CNTN6: variants seen among roughly 807,000 people sequenced by gnomAD.
CNTN6 encodes contactin 6, also known as contactin-6.
CNTN6 carries 137 observed loss-of-function variants against 122.8 expected under a neutral mutation model. The observed-to-expected ratio is 1.12, with a 90% confidence interval of 0.97 to 1.29. The LOEUF (loss-of-function observed/expected upper bound fraction) is 1.29. CNTN6 is among the 50% of genes most tolerant of loss of function. The pLI, the probability that CNTN6 is intolerant of heterozygous loss-of-function variation, is 0.00. For synonymous variants in CNTN6, 570 were observed against 426.0 expected (o/e 1.34, Z -4.16); for missense variants, 1,634 against 1,223.4 (o/e 1.34, Z -5.01).
intron 11 of CNTN6, among the ~76,000 whole-genome samples, chr3:1,349,276 T>C (rs895882498): frequency 1.3e-5 from 2 of 151,880 alleles, no homozygotes; most frequent in Non-Finnish European, 2.9e-5. Context: ...TACCTTCTGC[T>C]TTTTTCCCTG....
intron 1 of CNTN6, among the ~76,000 whole-genome samples, chr3:1,116,035 C>A (rs7645580): frequency 0.94 from 142,702 of 152,244 alleles, 66,996 homozygotes; most frequent in East Asian, 1. Context: ...AGGACACCTT[C>A]AGCAAATATG....
chr3:1,402,244 A>G, intron 21 of CNTN6, 74 bp from the exon 22 acceptor site: 4 of 1,160,368 alleles, frequency 3.4e-6, no homozygotes, highest in Non-Finnish European at 3.7e-6. Context: ...TATGTCTTAC[A>G]GTGTTCCAGA....
chr3:1,202,755 C>T (rs1292986300), intron 2 of CNTN6, among the ~76,000 whole-genome samples: 2 of 151,982 alleles, frequency 1.3e-5, no homozygotes, highest in South Asian at 2.1e-4. Flanking sequence ...GGGAATGAAC[C>T]GGTTTTCCTG....
chr3:1,381,044 T>C (rs75254795), intron 17 of CNTN6, among the ~76,000 whole-genome samples: 5,682 of 152,236 alleles, frequency 0.037, 124 homozygotes, highest in South Asian at 0.054. Flanking sequence ...GTCTCTTTTT[T>C]CCCCTCTAAT....
At chr3:1,351,541 A>G (rs1052453023) in intron 11 of CNTN6, among the ~76,000 whole-genome samples, 4 of 127,316 alleles carry the variant, frequency 3.1e-5, no homozygotes, top group Non-Finnish European at 5.0e-5. Flanking sequence ...TTTTCAGGGA[A>G]CAAATCTCAG....
chr3:1,396,833 T>C (rs1000785465), intron 20 of CNTN6, among the ~76,000 whole-genome samples: 5 of 152,210 alleles, frequency 3.3e-5, no homozygotes, highest in Non-Finnish European at 7.3e-5. Flanking sequence ...CAGGTGCTAT[T>C]CCTGTATGTA....
intron 1 of CNTN6, among the ~76,000 whole-genome samples, chr3:1,104,048 T>C (rs1489819328): frequency 6.6e-6 from 1 of 152,134 alleles, no homozygotes; most frequent in Non-Finnish European, 1.5e-5. Flanking sequence ...TACTATGTAA[T>C]AGATGCTATT....
chr3:1,146,625 T>G (rs2092728538), intron 1 of CNTN6, among the ~76,000 whole-genome samples: 1 of 152,118 alleles, frequency 6.6e-6, no homozygotes, highest in East Asian at 1.9e-4. Context: ...TGTTTCTCTG[T>G]TTTTGTTAAA....
At chr3:1,152,676 A>G (rs889904255) in intron 2 of CNTN6, among the ~76,000 whole-genome samples, 1 of 152,186 alleles carries the variant, frequency 6.6e-6, no homozygotes, top group African/African-American at 2.4e-5. Context: ...AATTTGAAAA[A>G]TATTAGACAG....
intron 2 of CNTN6, among the ~76,000 whole-genome samples, chr3:1,192,909 T>C (rs1431469152): frequency 2.6e-5 from 4 of 152,154 alleles, no homozygotes; most frequent in African/African-American, 9.7e-5. Flanking sequence ...CTCCACGTAT[T>C]TGAACAACTC....
In CNTN6 at chr3:1,311,347, GTCTT is replaced by G. The variant is rs373048347; in HGVS notation, c.762-10301_762-10298del. On this transcript the variant is annotated intron_variant, in intron 7 of 22. Transcript: ENST00000446702. ...ATATACATATATGTACATATAAAAT[GTCTT>G]TATATGTACATATATGTACATATAA... 7.0e-4 allele frequency among the ~76,000 whole-genome samples: 91 copies of G among 130,502 alleles called. 2 individuals carry two copies. The South Asian group carries it at 0.011, about 15-fold the overall frequency. 85.6% of individuals were successfully genotyped at this position (130,502 alleles called of 152,430 possible). A position where few individuals can be genotyped will look rare whatever the true frequency, so the allele number is the denominator to read the frequency against.
At chr3:1,311,179 G>T (rs1047059678) in intron 7 of CNTN6, among the ~76,000 whole-genome samples, 1 of 148,648 alleles carries the variant, frequency 6.7e-6, no homozygotes, top group Non-Finnish European at 1.5e-5. Context: ...TATATAAAAT[G>T]TCTTTATATA....
At chr3:1,108,865 C>T (rs2091347812) in intron 1 of CNTN6, among the ~76,000 whole-genome samples, 1 of 151,832 alleles carries the variant, frequency 6.6e-6, no homozygotes, top group East Asian at 1.9e-4. Flanking sequence ...TTAGGTTTTT[C>T]TTGTTAAGGA....
intron 4 of CNTN6, among the ~76,000 whole-genome samples, chr3:1,245,282 C>CAT (rs1312622771): frequency 1.5e-3 from 9 of 6,168 alleles, no homozygotes; most frequent in African/African-American, 5.4e-3. Context: ...TATACACACA[C>CAT]ATATATATAT....
chr3:1,247,806 G>C (rs1488305058), intron 4 of CNTN6, among the ~76,000 whole-genome samples: 1 of 151,910 alleles, frequency 6.6e-6, no homozygotes, highest in Non-Finnish European at 1.5e-5. Context: ...AAAAATAATA[G>C]CTACCATGTA....
At chr3:1,194,028 A>G (rs1254582576) in intron 2 of CNTN6, among the ~76,000 whole-genome samples, 1 of 152,118 alleles carries the variant, frequency 6.6e-6, no homozygotes, top group Non-Finnish European at 1.5e-5. Flanking sequence ...TAATCTCTGC[A>G]TCATGTCCAT....
At chr3:1,400,970 T>G (rs1695614004) in intron 20 of CNTN6, among the ~76,000 whole-genome samples, 1 of 152,080 alleles carries the variant, frequency 6.6e-6, no homozygotes, top group African/African-American at 2.4e-5. Context: ...ATATCTTGAG[T>G]TAGTTGTGTT....
At chr3:1,362,654 A>T (rs1160466566) in intron 12 of CNTN6, among the ~76,000 whole-genome samples, 1 of 152,120 alleles carries the variant, frequency 6.6e-6, no homozygotes, top group African/African-American at 2.4e-5. Context: ...ATCATAAGGA[A>T]AATATGGAAT....
chr3:1,336,408 C>A (rs1412134489), intron 11 of CNTN6, among the ~76,000 whole-genome samples: 1 of 151,818 alleles, frequency 6.6e-6, no homozygotes, highest in African/African-American at 2.4e-5. Context: ...AAGTTAAACA[C>A]AAAGGCATTT....
Sources: allele counts gnomAD v4.1 joint callset (sites outside exome capture counted in the v4.1 genomes callset), GRCh38; gene constraint gnomAD v4.1.1; transcripts MANE v1.5; gene names NCBI Gene and HGNC (gene_info 2026-07-23, HGNC 2026-07-21).